The following ZNF605 variants were observed in gnomAD, a reference collection of about 807,000 sequenced individuals.
ZNF605 encodes the protein zinc finger protein 605.
In ZNF605, 9 loss-of-function variants were observed where a neutral mutation model predicts 7.9. The ratio of observed to expected loss-of-function variants is 1.14; its 90% CI spans 0.68 to 1.98. The LOEUF (loss-of-function observed/expected upper bound fraction) is 1.98, where lower values mean the gene tolerates loss of function less well. ZNF605 is among the 30% of genes most tolerant of loss of function. The pLI, the probability that ZNF605 is intolerant of heterozygous loss-of-function variation, is 0.00. For synonymous variants in ZNF605, 255 were observed against 260.1 expected, an observed-to-expected ratio of 0.98 and a Z score of 0.19; for missense variants, 673 against 762.4, an observed-to-expected ratio of 0.88 and a Z score of 1.38.
chr12:132,942,489 T>C (rs1351703790), intron 3 of ZNF605, among the ~76,000 whole-genome samples: 1 of 152,190 alleles, frequency 6.6e-6, no homozygotes, highest in African/African-American at 2.4e-5. Flanking sequence ...AACAGAATGG[T>C]TTGGAACTCA....
intron 1 of ZNF605, among the ~76,000 whole-genome samples, chr12:132,951,593 ACT>A (rs1952568205): frequency 2.0e-5 from 3 of 151,580 alleles, no homozygotes; most frequent in South Asian, 4.2e-4. Flanking sequence ...ACATGCACAC[ACT>A]CAGACACAGA....
chr12:132,939,814 C>T (rs1201199859), intron 3 of ZNF605, among the ~76,000 whole-genome samples: 4 of 150,864 alleles, frequency 2.7e-5, no homozygotes, highest in Non-Finnish European at 4.4e-5. Flanking sequence ...TGAGCTGTAA[C>T]ACTCACCGCG....
At chr12:132,929,162 C>G (rs1593582304) in intron 4 of ZNF605, among the ~76,000 whole-genome samples, 2 of 152,132 alleles carry the variant, frequency 1.3e-5, no homozygotes, top group African/African-American at 4.8e-5. Context: ...AATCCCAGCA[C>G]TTCAGGGGGC....
chr12:132,926,409 A>T lies in ZNF605; in HGVS notation c.890T>A (p.Ile297Asn). The T allele has an allele frequency of 6.2e-7, 1 of 1,614,070 alleles. No individual in the cohort carries two copies. The highest frequency in any genetic ancestry group is 8.5e-7 in the Non-Finnish European group (1 of 1,180,004). Residue 297 changes from isoleucine to asparagine, a missense_variant, in exon 5 of 5, where the codon ATC becomes AAC. Ile to Asn is a moderately radical substitution (Grantham distance 149, BLOSUM62 -3). Transcript: ENST00000360187. ...TCCTGTGTGCGCTCTCTGATGTGTG[A>T]TGAGTTTTAATTTCTGGGAGAATGC... ...GKAFSQKLKL[I>N]THQRAHTGEK...
At position 132,924,924 on chromosome 12, in the gene ZNF605, G is replaced by C. The variant is rs938285403; in HGVS notation, c.*449C>G. 1 of 154,554 alleles carries C rather than the reference G, an allele frequency of 6.5e-6. No homozygotes were observed. Among genetic ancestry groups the C allele is most frequent in the African/African-American group, 2.4e-5 (1 of 41,518 alleles). The allele number at this position is 154,554 out of a possible 1,614,324, so 9.6% of individuals were successfully genotyped here. Reference sequence around the variant, plus strand: ...GAACTATTTCAATAGCATCATGCTTGTCAAATTCTTTACATTATTGAGACT... The same window carrying C: ...GAACTATTTCAATAGCATCATGCTTCTCAAATTCTTTACATTATTGAGACT... On this transcript the variant is annotated 3_prime_UTR_variant, in exon 5 of 5. Transcript: ENST00000360187.
At chr12:132,951,535 CACACACACACAT>C (rs1952567166) in intron 1 of ZNF605, among the ~76,000 whole-genome samples, 2 of 151,400 alleles carry the variant, frequency 1.3e-5, no homozygotes, top group Non-Finnish European at 2.9e-5. Flanking sequence ...ACACGTACGT[CACACACACACAT>C]ACACACACTG....
At chr12:132,956,121 G>A (rs1259506469) in intron 1 of ZNF605, 122 bp downstream of exon 1, 2 of 151,548 alleles carry the variant, frequency 1.3e-5, no homozygotes, top group Non-Finnish European at 2.9e-5. Context: ...CAGCCAGCTC[G>A]TTCGCGCTGG....
At chr12:132,939,669 G>A (rs1252401566) in intron 3 of ZNF605, among the ~76,000 whole-genome samples, 12 of 151,902 alleles carry the variant, frequency 7.9e-5, no homozygotes, top group Non-Finnish European at 1.3e-4. Flanking sequence ...GGGCCAGATA[G>A]GAGAATAAAA....
At position 132,945,974 on chromosome 12, in the gene ZNF605, C is replaced by T. The variant is rs1328191983; in HGVS notation, c.-162-177G>A. On this transcript the variant is annotated intron_variant, in intron 2 of 4. Coordinates refer to ENST00000360187, the MANE Select transcript of ZNF605 (RefSeq NM_183238.4). The stretch of plus-strand genomic sequence containing the variant: ...GGAATGTGAGCTACTAGCACGTCTC[C>T]GTCGGGTCTGACCTGCATCTAGGCC... Among the ~76,000 whole-genome samples the T allele has an allele frequency of 3.9e-5, 6 of 152,270 alleles. No individual in the cohort carries two copies. In the East Asian group the frequency reaches 7.7e-4, roughly 20 times the overall value.
At chr12:132,932,645 T>G (rs1253266619) in intron 4 of ZNF605, 12 of 1,001,896 alleles carry the variant, frequency 1.2e-5, no homozygotes, top group Non-Finnish European at 1.4e-5. Context: ...ACTTTAAAAG[T>G]GCCCACCTGT....
Position 132,925,571 on chromosome 12 carries a change from C to A in ZNF605, c.1728G>T (p.Leu576=). The change falls in exon 5 of 5, where the codon CTG becomes CTT. Residue 576 remains leucine (L), a synonymous_variant. Coordinates refer to ENST00000360187, the MANE Select transcript of ZNF605 (RefSeq NM_183238.4). ...CTGTATGAATTCTCTGATGTATAAT[C>A]AGCTGTGCCTTCTCAAAGAAAGCTT... The part of the protein sequence containing the change: ...CAKAFFEKAQ[L]IIHQRIHTGE... The A allele has an allele frequency of 6.2e-7, 1 of 1,614,116 alleles. No individual in the cohort carries two copies. Among genetic ancestry groups the A allele is most frequent in the South Asian group, 1.1e-5 (1 of 91,076 alleles).
intron 3 of ZNF605, among the ~76,000 whole-genome samples, chr12:132,934,157 C>T (rs1278613): frequency 0.45 from 67,587 of 151,656 alleles, 15,814 homozygotes; most frequent in Middle Eastern, 0.56. Flanking sequence ...TGGGCACCTG[C>T]AATCCCAGCT....
Position 132,925,686 on chromosome 12 carries a change from C to T in ZNF605, c.1613G>A (p.Cys538Tyr), listed in dbSNP as rs1040533971. 1.8e-5 allele frequency: 29 copies of T among 1,614,096 alleles called. No individual in the cohort carries two copies. Among genetic ancestry groups the T allele is most frequent in the African/African-American group, 2.7e-5 (2 of 74,930 alleles). Residue 538 changes from cysteine to tyrosine, a missense_variant, in exon 5 of 5, where the codon TGT (cysteine) becomes TAT (tyrosine). Transcript: ENST00000360187. ...TGEKPYECSE[C>Y]GKAFVQKVQL... Reference sequence around the variant, plus strand: ...CACTTTCTGAACAAATGCTTTCCCACATTCACTGCATTCATAGGGTTTCTC... The same window carrying T: ...CACTTTCTGAACAAATGCTTTCCCATATTCACTGCATTCATAGGGTTTCTC...
rs1002767090 is a variant in ZNF605 at position 132,940,738 on chromosome 12, A to T, written c.15+4883T>A. Among the ~76,000 whole-genome samples the T allele has an allele frequency of 1.9e-3, 291 of 151,130 alleles. 1 individual carries two copies. The highest frequency in any genetic ancestry group is 5.9e-3 in the South Asian group (28 of 4,748). On this transcript the variant is annotated intron_variant, in intron 3 of 4. Coordinates refer to ENST00000360187, the MANE Select transcript of ZNF605 (RefSeq NM_183238.4). The stretch of plus-strand genomic sequence containing the variant: ...GTTCCTGGTGGAGACAGGACTTTTT[A>T]AAAAAAAAATAATTTCAACTTTTTC...
intron 1 of ZNF605, among the ~76,000 whole-genome samples, chr12:132,950,148 G>C (rs1383190918): frequency 6.6e-6 from 1 of 151,992 alleles, no homozygotes; most frequent in Non-Finnish European, 1.5e-5. Context: ...TGAGATCAAG[G>C]TCCCCCTGCC....
chr12:132,948,856 G>A (rs1446009243), intron 1 of ZNF605, among the ~76,000 whole-genome samples: 7 of 152,332 alleles, frequency 4.6e-5, no homozygotes, highest in African/African-American at 1.2e-4. Flanking sequence ...GGAACCCCAC[G>A]GTGCACAGCC....
chr12:132,933,248 AT>A lies in ZNF605; in HGVS notation c.16-94del. 7.0e-7 allele frequency: 1 copy of A among 1,419,570 alleles called. No homozygotes were observed. The highest frequency in any genetic ancestry group is 9.5e-7 in the Non-Finnish European group (1 of 1,055,284). 87.9% of individuals were successfully genotyped at this position (1,419,570 alleles called of 1,614,324 possible). ...GTATTTGTGGTAGGTGGCCTCTAAG[AT>A]GGCCCCAGTGACCTCTGACTCCGGT... On this transcript the variant is annotated intron_variant, in intron 3 of 4. Coordinates refer to ENST00000360187, the MANE Select transcript of ZNF605 (RefSeq NM_183238.4). The surrounding 1 kb of genome is among the most constrained non-coding windows in gnomAD (Gnocchi z 4.4).
At chr12:132,951,999 C>G (rs1334007454) in intron 1 of ZNF605, among the ~76,000 whole-genome samples, 1 of 151,986 alleles carries the variant, frequency 6.6e-6, no homozygotes, top group Non-Finnish European at 1.5e-5. Flanking sequence ...CACACACAGT[C>G]TCATTTACTC....
At chr12:132,954,061 A>T (rs1186245135) in intron 1 of ZNF605, among the ~76,000 whole-genome samples, 1 of 151,768 alleles carries the variant, frequency 6.6e-6, no homozygotes, top group Non-Finnish European at 1.5e-5. Flanking sequence ...CCATTCAACG[A>T]TGTACACTGG....
Sources: gnomAD v4.1 joint callset for allele counts (sites outside exome capture counted in the v4.1 genomes callset) on GRCh38, gnomAD v4.1.1 for gene constraint, Gnocchi (gnomAD v3.1) non-coding constraint, MANE v1.5 for transcripts, NCBI Gene and HGNC (gene_info 2026-07-23, HGNC 2026-07-21) for gene names.